Variants in PCDHA2 observed in about 807,000 individuals in gnomAD.
The protein encoded by PCDHA2 is protocadherin alpha 2.
In PCDHA2, 58 loss-of-function variants were observed where a neutral mutation model predicts 66.0. The observed-to-expected ratio is 0.88, with a 90% CI of 0.71 to 1.09. The LOEUF (loss-of-function observed/expected upper bound fraction) is 1.09, where lower values mean the gene tolerates loss of function less well. Among genes scored for constraint, PCDHA2 ranks in the 50% least tolerant of loss-of-function variants. The pLI, the probability that PCDHA2 is intolerant of heterozygous loss-of-function variation, is 0.00. For missense variants in PCDHA2, 1,267 were observed against 1,242.3 expected (o/e 1.02, Z -0.30); for synonymous variants, 634 against 554.0 (o/e 1.14, Z -2.03).
rs566522528 is a variant in PCDHA2, at chr5:140,881,283, A to C, written c.2388+83931A>C. On this transcript the variant is annotated intron_variant, in intron 1 of 3. Coordinates refer to ENST00000526136, the MANE Select transcript of PCDHA2 (RefSeq NM_018905.3). ...TCAGTGATGATGAAGTAAGATGGAG[A>C]GAGAAAATGGAAACTTTAACCTCCT... 1.3e-5 allele frequency: 10 copies of C among 799,388 alleles called. No homozygotes were observed. The African/African-American group carries it at 1.9e-4, about 15-fold the overall frequency. The allele number at this position is 799,388 out of a possible 1,614,324, so 49.5% of individuals were successfully genotyped here.
chr5:140,957,328 G>A (rs1312649094), intron 1 of PCDHA2, among the ~76,000 whole-genome samples: 1 of 152,134 alleles, frequency 6.6e-6, no homozygotes, highest in Admixed American at 6.5e-5. Context: ...GCACAGTACA[G>A]TAAGATATTT....
intron 1 of PCDHA2, among the ~76,000 whole-genome samples, chr5:140,887,995 G>A (rs537858803): frequency 8.5e-5 from 13 of 152,066 alleles, no homozygotes; most frequent in South Asian, 6.2e-4. Context: ...TGTCTCCACC[G>A]AATAGTCATC....
intron 1 of PCDHA2, among the ~76,000 whole-genome samples, chr5:140,806,523 G>A (rs1554123633): frequency 1.3e-5 from 2 of 152,126 alleles, no homozygotes; most frequent in South Asian, 4.1e-4. Flanking sequence ...AAATGCTGAT[G>A]GTCTTTGATC....
At chr5:140,801,021 A>T in intron 1 of PCDHA2, 2 of 1,423,322 alleles carry the variant, frequency 1.4e-6, no homozygotes, top group East Asian at 2.5e-5. Flanking sequence ...GCTGTCCACC[A>T]CAAGGTCTTT....
In PCDHA2 at chr5:140,848,974, C is replaced by T. The variant is rs2150427496; in HGVS notation, c.2388+51622C>T. On this transcript the variant is annotated intron_variant, in intron 1 of 3. Coordinates refer to ENST00000526136, the MANE Select transcript of PCDHA2 (RefSeq NM_018905.3). ...TTTCCACTAGAGGGCGCGTCCGATG[C>T]AGATATCGGGGAGAACGCCCTGCTC... 302 of 1,600,986 alleles carry T rather than the reference C, an allele frequency of 1.9e-4. 1 individual carries two copies. The highest frequency in any genetic ancestry group is 2.4e-4 in the Non-Finnish European group (280 of 1,171,990).
chr5:140,985,572 C>G (rs2097158307), intron 3 of PCDHA2, among the ~76,000 whole-genome samples: 1 of 152,142 alleles, frequency 6.6e-6, no homozygotes, highest in Non-Finnish European at 1.5e-5. Context: ...CTTTCTGGTG[C>G]CTAAGCCTCC....
At chr5:140,829,954 G>C in intron 1 of PCDHA2, 1 of 1,613,992 alleles carries the variant, frequency 6.2e-7, no homozygotes, top group South Asian at 1.1e-5. Flanking sequence ...CTCGCTTCCC[G>C]TTTCGCGTGG....
rs1762075788 is a variant in PCDHA2 at position 140,796,385 on chromosome 5, T to G, written c.1421T>G (p.Ile474Ser). 1.2e-6 allele frequency: 2 copies of G among 1,613,386 alleles called. No individual in the cohort carries two copies. The highest frequency in any genetic ancestry group is 8.5e-7 in the Non-Finnish European group (1 of 1,179,904). The change falls in exon 1 of 4, where the codon ATC becomes AGC. Residue 474 changes from isoleucine (I) to serine (S), a missense_variant. Physicochemically the swap from Ile to Ser is moderately radical, Grantham distance 142. Coordinates refer to ENST00000526136, the MANE Select transcript of PCDHA2 (RefSeq NM_018905.3). ...GAGAACAACCCGCCGGGCTGCCACA[T>G]CTTCACGGTGTCAGCGTGGGATGCG... ...VKENNPPGCH[I>S]FTVSAWDADA... is the part of the protein sequence containing the mutation.
chr5:140,872,286 G>C (rs145153656), intron 1 of PCDHA2, among the ~76,000 whole-genome samples: 7 of 151,974 alleles, frequency 4.6e-5, no homozygotes, highest in Admixed American at 1.3e-4. Flanking sequence ...AAAAAGTTAA[G>C]CCTTGCATTC....
chr5:140,864,654 C>T (rs1554159035), intron 1 of PCDHA2: 1 of 152,246 alleles, frequency 6.6e-6, no homozygotes, highest in Non-Finnish European at 1.5e-5. Context: ...GTCAGCTCTA[C>T]TTAATTACCT....
At chr5:140,862,905 G>A in intron 1 of PCDHA2, 2 of 551,590 alleles carry the variant, frequency 3.6e-6, no homozygotes, top group Non-Finnish European at 7.0e-6. Context: ...TGTCTGCGCT[G>A]CTGGCGCCTT....
At chr5:140,876,165 C>G in intron 1 of PCDHA2, 17 of 1,613,944 alleles carry the variant, frequency 1.1e-5, no homozygotes, top group Non-Finnish European at 1.4e-5. Flanking sequence ...TTCAAATAAC[C>G]GTCCTGGATG....
intron 3 of PCDHA2, among the ~76,000 whole-genome samples, chr5:141,003,440 T>G (rs1194575812): frequency 6.6e-6 from 1 of 152,100 alleles, no homozygotes; most frequent in Non-Finnish European, 1.5e-5. Flanking sequence ...GCCTCCCAAG[T>G]AGATGAAATT....
intron 1 of PCDHA2, chr5:140,968,830 C>G: frequency 6.2e-7 from 1 of 1,614,198 alleles, no homozygotes; most frequent in Non-Finnish European, 8.5e-7. Context: ...CCAAAATCCT[C>G]CCTGACACTC....
At chr5:140,967,881 G>A (rs2096193873) in intron 1 of PCDHA2, 2 of 1,614,034 alleles carry the variant, frequency 1.2e-6, no homozygotes, top group Non-Finnish European at 1.7e-6. Context: ...GACCTGTATA[G>A]CCCAGTGCCT....
In PCDHA2 at chr5:140,830,149, C is replaced by T. The variant is rs2150181952; in HGVS notation, c.2388+32797C>T. The stretch of plus-strand genomic sequence containing the variant: ...CGTCATCACGGGCGTCGGTGGGCGC[C>T]GCGGGCCCAGAGGCGGCGCTGGTGG... On this transcript the variant is annotated intron_variant, in intron 1 of 3. Transcript: ENST00000526136. 8 of 1,613,338 alleles carry T rather than the reference C, an allele frequency of 5.0e-6. No individual in the cohort carries two copies. In the East Asian group the frequency reaches 6.7e-5, roughly 13 times the overall value.
At chr5:140,871,567 A>AT (rs1441824086) in intron 1 of PCDHA2, 49 of 1,482,936 alleles carry the variant, frequency 3.3e-5, no homozygotes, top group Non-Finnish European at 3.9e-5. Flanking sequence ...TTTTTCACGG[A>AT]TTTTTTAAGG....
chr5:140,870,399 T>C, intron 1 of PCDHA2: 1 of 1,614,196 alleles, frequency 6.2e-7, no homozygotes, highest in Non-Finnish European at 8.5e-7. Flanking sequence ...GGGGTTCGCC[T>C]TCTCTGTGGG....
chr5:140,877,236 C>T, intron 1 of PCDHA2: 8 of 1,613,686 alleles, frequency 5.0e-6, no homozygotes, highest in Non-Finnish European at 6.8e-6. Context: ...TGGGTGCGGG[C>T]CACGTGGTGG....
Sources: gnomAD v4.1 joint callset for allele counts (sites outside exome capture counted in the v4.1 genomes callset) on GRCh38, gnomAD v4.1.1 for gene constraint, MANE v1.5 for transcripts, NCBI Gene and HGNC (gene_info 2026-07-23, HGNC 2026-07-21) for gene names.